CCSER1: variants seen among roughly 807,000 people sequenced by gnomAD.
CCSER1 encodes the protein coiled-coil serine rich protein 1, also known as serine-rich coiled-coil domain-containing protein 1.
In CCSER1, 41 loss-of-function variants were observed where a neutral mutation model predicts 82.0. The ratio of observed to expected loss-of-function variants is 0.50; its 90% CI spans 0.39 to 0.65. The LOEUF is 0.65. CCSER1 is among the 30% of genes least tolerant of loss of function. The pLI is 0.00. For missense variants in CCSER1, 1,119 were observed against 1,064.2 expected, an observed-to-expected ratio of 1.05 and a Z score of -0.72; for synonymous variants, 414 against 383.9, an observed-to-expected ratio of 1.08 and a Z score of -0.92.
chr4:91,521,494 C>T (rs1760468585), intron 10 of CCSER1, among the ~76,000 whole-genome samples: 1 of 152,184 alleles, frequency 6.6e-6, no homozygotes, highest in Admixed American at 6.5e-5. Context: ...ACACTCCCAC[C>T]AACAGCGTAA....
chr4:91,554,079 G>A (rs1005077795), intron 10 of CCSER1, among the ~76,000 whole-genome samples: 1 of 147,994 alleles, frequency 6.8e-6, no homozygotes, highest in African/African-American at 2.5e-5. Flanking sequence ...TTGGTATATT[G>A]TGCTCTCATT....
intron 10 of CCSER1, among the ~76,000 whole-genome samples, chr4:91,215,081 G>A (rs1413567110): frequency 1.3e-5 from 2 of 151,990 alleles, no homozygotes; most frequent in East Asian, 3.9e-4. Flanking sequence ...AGGGTATCCA[G>A]TGTACTTTAA....
intron 10 of CCSER1, among the ~76,000 whole-genome samples, chr4:91,297,608 G>A (rs1235446926): frequency 6.6e-6 from 1 of 151,862 alleles, no homozygotes; most frequent in East Asian, 1.9e-4. Flanking sequence ...ATGAAGTAGG[G>A]CCAAAAGTCA....
At chr4:91,135,827 T>G (rs1341793252) in intron 10 of CCSER1, among the ~76,000 whole-genome samples, 1 of 152,200 alleles carries the variant, frequency 6.6e-6, no homozygotes, top group Non-Finnish European at 1.5e-5. Context: ...TTTTCACAAC[T>G]TCGCTATAAG....
chr4:90,957,425 G>A (rs1733578291), intron 9 of CCSER1, among the ~76,000 whole-genome samples: 2 of 143,530 alleles, frequency 1.4e-5, no homozygotes, highest in Admixed American at 1.5e-4. Context: ...TAATTGAGGT[G>A]ACTCTAAAAA....
intron 1 of CCSER1, among the ~76,000 whole-genome samples, chr4:90,300,887 G>T (rs983499546): frequency 1.3e-5 from 2 of 152,142 alleles, no homozygotes; most frequent in Admixed American, 1.3e-4. Context: ...GTGCAATGGT[G>T]CTATTGTGGT....
intron 9 of CCSER1, among the ~76,000 whole-genome samples, chr4:90,927,498 G>A (rs574785023): frequency 3.3e-5 from 5 of 151,900 alleles, no homozygotes; most frequent in African/African-American, 9.7e-5. Context: ...GTGGCATCAC[G>A]TATTTTGTCT....
At chr4:90,208,465 A>G (rs1739332316) in intron 1 of CCSER1, among the ~76,000 whole-genome samples, 1 of 151,598 alleles carries the variant, frequency 6.6e-6, no homozygotes, top group Non-Finnish European at 1.5e-5. Flanking sequence ...CCACTGAGCT[A>G]GACCACTTGG....
At chr4:90,226,741 C>G (rs1469626908) in intron 1 of CCSER1, among the ~76,000 whole-genome samples, 1 of 152,192 alleles carries the variant, frequency 6.6e-6, no homozygotes, top group Admixed American at 6.5e-5. Context: ...GGTCTTCCTT[C>G]AAGAAAGAGC....
chr4:90,497,866 G>T (rs1279479012), intron 5 of CCSER1, among the ~76,000 whole-genome samples: 1 of 151,996 alleles, frequency 6.6e-6, no homozygotes, highest in Admixed American at 6.6e-5. Flanking sequence ...TCCTAAATCT[G>T]GCATCAGCAG....
intron 1 of CCSER1, among the ~76,000 whole-genome samples, chr4:90,273,758 G>A (rs992857876): frequency 6.6e-6 from 1 of 152,136 alleles, no homozygotes; most frequent in African/African-American, 2.4e-5. Context: ...AGTAGGGATA[G>A]TGATTTCCTC....
intron 1 of CCSER1, among the ~76,000 whole-genome samples, chr4:90,303,559 C>T (rs1170656837): frequency 1.3e-5 from 2 of 151,908 alleles, no homozygotes; most frequent in African/African-American, 2.4e-5. Flanking sequence ...GAAAGGATTC[C>T]CTATTTAATA....
At chr4:90,940,525 A>G (rs917303172) in intron 9 of CCSER1, among the ~76,000 whole-genome samples, 5 of 152,128 alleles carry the variant, frequency 3.3e-5, no homozygotes, top group African/African-American at 1.2e-4. Context: ...AAGTGAAATT[A>G]AAATAGGGAT....
At chr4:90,331,368 T>C (rs951378610) in intron 3 of CCSER1, among the ~76,000 whole-genome samples, 5 of 152,182 alleles carry the variant, frequency 3.3e-5, no homozygotes, top group Non-Finnish European at 7.4e-5. Context: ...GTGCTAACTA[T>C]GTGCCCGTTA....
At chr4:91,477,522 A>G (rs1757661100) in intron 10 of CCSER1, among the ~76,000 whole-genome samples, 1 of 151,750 alleles carries the variant, frequency 6.6e-6, no homozygotes, top group Non-Finnish European at 1.5e-5. Context: ...GAAAGATTTA[A>G]CATGATATCC....
chr4:90,790,810 AG>A (rs1209932115), intron 7 of CCSER1, among the ~76,000 whole-genome samples: 2 of 152,096 alleles, frequency 1.3e-5, no homozygotes, highest in Non-Finnish European at 2.9e-5. Flanking sequence ...GGAAATTCCA[AG>A]CTTTCCCACA....
intron 9 of CCSER1, among the ~76,000 whole-genome samples, chr4:91,036,092 C>T (rs1038048875): frequency 1.3e-5 from 2 of 152,032 alleles, no homozygotes; most frequent in African/African-American, 4.8e-5. Flanking sequence ...GCTTCATTGT[C>T]AAAGATTCAA....
intron 7 of CCSER1, among the ~76,000 whole-genome samples, chr4:90,792,620 G>A (rs572479263): frequency 1.4e-4 from 21 of 152,250 alleles, no homozygotes; most frequent in Non-Finnish European, 2.6e-4. Context: ...CAGAATACAT[G>A]GACACTCAGA....
chr4:90,755,929 T>C (rs1341320787), intron 7 of CCSER1, among the ~76,000 whole-genome samples: 1 of 152,144 alleles, frequency 6.6e-6, no homozygotes, highest in Non-Finnish European at 1.5e-5. Flanking sequence ...ACCTAGCTTT[T>C]AAAATGCATA....
Sources: allele counts gnomAD v4.1 joint callset (sites outside exome capture counted in the v4.1 genomes callset), GRCh38; gene constraint gnomAD v4.1.1; transcripts MANE v1.5; gene names NCBI Gene and HGNC (gene_info 2026-07-23, HGNC 2026-07-21).